Variants in CPNE3 observed in about 807,000 individuals in gnomAD.
CPNE3 encodes copine 3, also known as copine-3.
Under a neutral mutation model 63.9 loss-of-function variants are expected in CPNE3, and 68 were observed. That is an observed-to-expected ratio of 1.06 (90% CI 0.87 to 1.30). The LOEUF (loss-of-function observed/expected upper bound fraction) is 1.30, where lower values mean the gene tolerates loss of function less well. Among genes scored for constraint, CPNE3 ranks in the 50% most tolerant of loss-of-function variants. The pLI is 0.00. For missense variants in CPNE3, 665 were observed against 578.1 expected, an observed-to-expected ratio of 1.15 and a Z score of -1.54; for synonymous variants, 219 against 197.5, an observed-to-expected ratio of 1.11 and a Z score of -0.91.
intron 2 of CPNE3, among the ~76,000 whole-genome samples, chr8:86,525,509 GA>G (rs1469875450): frequency 6.6e-6 from 1 of 152,176 alleles, no homozygotes; most frequent in Non-Finnish European, 1.5e-5. Context: ...TTTCAGAGAG[GA>G]ATGCTGCTAA....
intron 2 of CPNE3, among the ~76,000 whole-genome samples, chr8:86,521,299 A>G (rs1445973464): frequency 6.6e-6 from 1 of 152,244 alleles, no homozygotes; most frequent in African/African-American, 2.4e-5. Flanking sequence ...TGAGGTAAAT[A>G]AAATATAAAC....
intron 9 of CPNE3, among the ~76,000 whole-genome samples, chr8:86,546,127 C>A (rs1235626781): frequency 6.6e-6 from 1 of 152,118 alleles, no homozygotes; most frequent in East Asian, 1.9e-4. Context: ...GCATATTTTA[C>A]CATAGAGTTG....
Position 86,561,089 on chromosome 8 carries a change from G to A in CPNE3, c.*2679G>A, listed in dbSNP as rs377567352. ...AGATTTACAACTGTTCATTATAGTG[G>A]TGCCTTAGGCAATCTTTCCAAAGTA... On this transcript the variant is annotated 3_prime_UTR_variant, in exon 17 of 17. Transcript: ENST00000517490. 11 of 152,296 alleles carry A rather than the reference G, an allele frequency of 7.2e-5. 1 individual carries two copies. In the East Asian group the frequency reaches 1.3e-3, roughly 19 times the overall value. The allele number at this position is 152,296 out of a possible 1,614,324, so 9.4% of individuals were successfully genotyped here. A position where few individuals can be genotyped will look rare whatever the true frequency, so the allele number is the denominator to read the frequency against.
At chr8:86,530,231 T>G (rs1423378509) in intron 4 of CPNE3, among the ~76,000 whole-genome samples, 3 of 150,440 alleles carry the variant, frequency 2.0e-5, no homozygotes, top group African/African-American at 7.3e-5. Flanking sequence ...GTGTCGTGGC[T>G]CAATCACAGC....
intron 2 of CPNE3, chr8:86,524,796 T>G (rs1257831146): frequency 1.3e-5 from 2 of 150,126 alleles, no homozygotes; most frequent in East Asian, 4.0e-4. Flanking sequence ...CTTAGCCTAC[T>G]GAGTAGCTGG....
Position 86,554,880 on chromosome 8 carries a change from T to A in CPNE3, c.1150T>A (p.Ser384Thr), listed in dbSNP as rs143626633. 1.2e-6 allele frequency: 2 copies of A among 1,614,084 alleles called. No homozygotes were observed. The highest frequency in any genetic ancestry group is 2.7e-5 in the African/African-American group (2 of 74,946). The change falls in exon 15 of 17, where the codon TCT becomes ACT. Residue 384 changes from serine to threonine, a missense_variant. By Grantham distance (58) the Ser-to-Thr change is moderately conservative (BLOSUM62 1). Transcript: ENST00000517490. ...GIQGIVEAYR[S>T]CLPQIKLYGP... is the part of the protein sequence containing the mutation. ...CCAAGGCATTGTAGAGGCGTATCGGTCTTGTCTTCCTCAGATAAAACTCTA... is the reference window on the plus strand; with the variant it reads ...CCAAGGCATTGTAGAGGCGTATCGGACTTGTCTTCCTCAGATAAAACTCTA...
intron 2 of CPNE3, among the ~76,000 whole-genome samples, chr8:86,516,552 CTTAT>C (rs976218417): frequency 2.6e-5 from 4 of 152,012 alleles, no homozygotes; most frequent in African/African-American, 9.7e-5. Flanking sequence ...CTTTTATTTA[CTTAT>C]TTATTTATTT....
At chr8:86,526,788 A>G (rs1487863238) in intron 2 of CPNE3, among the ~76,000 whole-genome samples, 2 of 152,198 alleles carry the variant, frequency 1.3e-5, no homozygotes, top group African/African-American at 4.8e-5. Flanking sequence ...CTGGGAGTAC[A>G]GGTGTGAGCT....
At chr8:86,531,035 G>A (rs1368217092) in intron 4 of CPNE3, 120 bp from the exon 5 acceptor site, 2 of 642,174 alleles carry the variant, frequency 3.1e-6, no homozygotes, top group Non-Finnish European at 5.7e-6. Context: ...CCAACTGAAT[G>A]TTTCTATTTC....
At chr8:86,550,647 T>C (rs1821153137) in intron 12 of CPNE3, among the ~76,000 whole-genome samples, 2 of 152,214 alleles carry the variant, frequency 1.3e-5, no homozygotes, top group Admixed American at 6.5e-5. Context: ...CAATAACCTC[T>C]GATCATCTGA....
chr8:86,550,989 A>T, intron 12 of CPNE3, 57 bp from the exon 13 acceptor site: 1 of 1,483,970 alleles, frequency 6.7e-7, no homozygotes, highest in Admixed American at 2.3e-5. Flanking sequence ...GTGGGCAAAG[A>T]TAAAGCTTTT....
chr8:86,523,602 T>A (rs372226866), intron 2 of CPNE3, among the ~76,000 whole-genome samples: 1 of 152,196 alleles, frequency 6.6e-6, no homozygotes, highest in African/African-American at 2.4e-5. Flanking sequence ...TTGTTTTGTT[T>A]TGAGATAGAG....
At chr8:86,518,942 G>A (rs1354695251) in intron 2 of CPNE3, among the ~76,000 whole-genome samples, 8 of 151,930 alleles carry the variant, frequency 5.3e-5, no homozygotes, top group Admixed American at 5.2e-4. Context: ...GCTAATTTTT[G>A]TATTTTTGGT....
At chr8:86,524,681 A>ATTTTTTTTTTT (rs33934876) in intron 2 of CPNE3, 8 of 106,086 alleles carry the variant, frequency 7.5e-5, no homozygotes, top group East Asian at 2.7e-4. Context: ...CCTCATCATA[A>ATTTTTTTTTTT]TTTTTTTTTT....
chr8:86,528,925 G>A lies in CPNE3; in HGVS notation c.133-20G>A. ...ACCTTTGATCTGAAGAAACTTTTTT[G>A]TTTTTGCGGATGGGTGTAGGTTGAG... On this transcript the variant is annotated intron_variant, in intron 3 of 16. Transcript: ENST00000517490. 1 of 1,584,582 alleles carries A rather than the reference G, an allele frequency of 6.3e-7. No individual in the cohort carries two copies.
At chr8:86,516,399 A>G (rs941146739) in intron 2 of CPNE3, among the ~76,000 whole-genome samples, 8 of 152,194 alleles carry the variant, frequency 5.3e-5, no homozygotes, top group African/African-American at 1.7e-4. Flanking sequence ...TCATTTTCAT[A>G]TAAGTTTATG....
rs1458599831 is a variant in CPNE3, at chr8:86,540,258, A to T, written c.557A>T (p.Asn186Ile). 3 of 1,609,054 alleles carry T rather than the reference A, an allele frequency of 1.9e-6. No homozygotes were observed. The South Asian group carries it at 3.3e-5, about 18-fold the overall frequency. The change falls in exon 8 of 17, where the codon AAC becomes ATC. Residue 186 changes from asparagine (N) to isoleucine (I), a missense_variant. Transcript: ENST00000517490. ...MVHRTEVVKN[N>I]LNPVWRPFKI... ...ACATTTTTATAGGTTGTTAAAAACAACTTGAATCCTGTTTGGAGGCCTTTC... is the reference window on the plus strand; with the variant it reads ...ACATTTTTATAGGTTGTTAAAAACATCTTGAATCCTGTTTGGAGGCCTTTC...
chr8:86,541,706 A>C (rs1258954901), intron 8 of CPNE3, among the ~76,000 whole-genome samples: 1 of 86,888 alleles, frequency 1.2e-5, no homozygotes, highest in African/African-American at 3.6e-5. Flanking sequence ...ACCGTGTCTT[A>C]AAAAAAAAAA....
chr8:86,554,088 G>A (rs530981944), intron 14 of CPNE3: 1 of 152,316 alleles, frequency 6.6e-6, no homozygotes, highest in Admixed American at 6.5e-5. Flanking sequence ...CCTTATCTGG[G>A]ATGTGCTGCT....
Sources: gnomAD v4.1 joint callset for allele counts (sites outside exome capture counted in the v4.1 genomes callset) on GRCh38, gnomAD v4.1.1 for gene constraint, MANE v1.5 for transcripts, NCBI Gene and HGNC (gene_info 2026-07-23, HGNC 2026-07-21) for gene names.